Variants in PYGO1 observed in about 807,000 individuals in gnomAD.
PYGO1 encodes pygopus homolog 1.
PYGO1 carries 6 observed loss-of-function variants against 29.5 expected under a neutral mutation model. The ratio of observed to expected loss-of-function variants is 0.20; its 90% CI spans 0.11 to 0.40. The LOEUF (loss-of-function observed/expected upper bound fraction) is 0.40, where lower values mean the gene tolerates loss of function less well. PYGO1 is among the 10% of genes least tolerant of loss of function. PYGO1 has a pLI of 1.00. For synonymous variants in PYGO1, 186 were observed against 180.5 expected, an observed-to-expected ratio of 1.03 and a Z score of -0.24; for missense variants, 515 against 514.9, an observed-to-expected ratio of 1.00 and a Z score of 0.00.
Position 55,547,157 on chromosome 15 carries a change from G to A in PYGO1, c.136-10C>T. 4 of 1,568,974 alleles carry A rather than the reference G, an allele frequency of 2.5e-6. No individual in the cohort carries two copies. The highest frequency in any genetic ancestry group is 3.5e-6 in the Non-Finnish European group (4 of 1,159,294). On this transcript the variant is annotated splice_polypyrimidine_tract_variant and intron_variant, in intron 2 of 2. Coordinates refer to ENST00000563719, the MANE Select transcript of PYGO1 (RefSeq NM_001367806.1). Reference sequence around the variant, plus strand: ...GAGGGAAAGAAGGTCCCTGAAATGAGAATGTAAAGTAAAATACATGTTTTC... The same window carrying A: ...GAGGGAAAGAAGGTCCCTGAAATGAAAATGTAAAGTAAAATACATGTTTTC...
chr15:55,587,886 C>G lies in PYGO1; in HGVS notation c.-3G>C, dbSNP rs1278986150. The G allele has an allele frequency of 1.2e-5, 18 of 1,482,580 alleles. No homozygotes were observed. Among genetic ancestry groups the G allele is most frequent in the South Asian group, 2.5e-5 (2 of 79,456 alleles). The allele number at this position is 1,482,580 out of a possible 1,614,324, so 91.8% of individuals were successfully genotyped here. A position where few individuals can be genotyped will look rare whatever the true frequency, so the allele number is the denominator to read the frequency against. On this transcript the variant is annotated 5_prime_UTR_variant, in exon 1 of 3. Coordinates refer to ENST00000563719, the MANE Select transcript of PYGO1 (RefSeq NM_001367806.1). ...TCCTTCTCCTGTTCTGCTGACATTA[C>G]AGACCGCAAAGCATGACTCCCCCCC...
chr15:55,550,588 T>C (rs1304260999), intron 1 of PYGO1, among the ~76,000 whole-genome samples: 1 of 152,204 alleles, frequency 6.6e-6, no homozygotes, highest in Non-Finnish European at 1.5e-5. Flanking sequence ...TAGGTTCTCA[T>C]AACCCCAACT....
intron 1 of PYGO1, among the ~76,000 whole-genome samples, chr15:55,573,853 G>C (rs1398908277): frequency 6.6e-6 from 1 of 152,156 alleles, no homozygotes; most frequent in Non-Finnish European, 1.5e-5. Flanking sequence ...GTAGGCTAGA[G>C]AAAAGATATA....
Position 55,546,914 on chromosome 15 carries a change from T to C in PYGO1, c.369A>G (p.Ser123=). ...GAAATGGGTGTGGCTGGTTCCTGAG[T>C]GAGTAAGGACCACAGTATGGGGAAG... is the stretch of plus-strand genomic sequence containing the variant. ...RMSSPYCGPY[S]LRNQPHPFPQ... Residue 123 remains serine, a synonymous_variant, in exon 3 of 3, where the codon TCA becomes TCG. Coordinates refer to ENST00000563719, the MANE Select transcript of PYGO1 (RefSeq NM_001367806.1). The C allele has an allele frequency of 6.2e-7, 1 of 1,613,966 alleles. No individual in the cohort carries two copies. The highest frequency in any genetic ancestry group is 8.5e-7 in the Non-Finnish European group (1 of 1,179,998).
chr15:55,568,337 T>TGA lies in PYGO1; in HGVS notation c.50-19343_50-19342insTC, dbSNP rs1368704279. On this transcript the variant is annotated intron_variant, in intron 1 of 2. Transcript: ENST00000563719. ...CCTAGGTACTGTGTGTGTGTGTGTG[T>TGA]GTGTGTGTGTGTGTGTGTGTGTGTG... 5.5e-4 allele frequency among the ~76,000 whole-genome samples: 82 copies of TGA among 150,316 alleles called. 1 individual carries two copies. In the East Asian group the frequency reaches 0.016, roughly 29 times the overall value.
At chr15:55,565,414 T>C (rs1035507316) in intron 1 of PYGO1, among the ~76,000 whole-genome samples, 17 of 152,022 alleles carry the variant, frequency 1.1e-4, no homozygotes, top group African/African-American at 3.4e-4. Flanking sequence ...AAAAATCATA[T>C]GTATTTTGGC....
chr15:55,561,554 C>T (rs2058932899), intron 1 of PYGO1, among the ~76,000 whole-genome samples: 1 of 152,132 alleles, frequency 6.6e-6, no homozygotes, highest in African/African-American at 2.4e-5. Context: ...ACTCGTATCA[C>T]AAGAATAGCA....
At chr15:55,560,963 A>C (rs948974912) in intron 1 of PYGO1, among the ~76,000 whole-genome samples, 1 of 152,052 alleles carries the variant, frequency 6.6e-6, no homozygotes, top group Non-Finnish European at 1.5e-5. Context: ...AAAAACAAAC[A>C]AACAAACAAA....
Position 55,546,354 on chromosome 15 carries a change from G to C in PYGO1, c.929C>G (p.Pro310Arg), listed in dbSNP as rs1270364746. The C allele has an allele frequency of 2.5e-6, 4 of 1,614,068 alleles. No homozygotes were observed. The highest frequency in any genetic ancestry group is 1.1e-5 in the South Asian group (1 of 91,090). ...ANGTQNKPRQPRGAADACTTE... is the reference protein window; with the variant it reads ...ANGTQNKPRQRRGAADACTTE... ...GGTGCAGGCATCTGCTGCACCTCTT[G>C]GTTGTCGTGGCTTATTCTGCGTCCC... The change falls in exon 3 of 3, where the codon CCA becomes CGA. Residue 310 changes from proline (P) to arginine (R), a missense_variant. Coordinates refer to ENST00000563719, the MANE Select transcript of PYGO1 (RefSeq NM_001367806.1).
At chr15:55,576,564 A>C (rs1457238485) in intron 1 of PYGO1, among the ~76,000 whole-genome samples, 1 of 148,182 alleles carries the variant, frequency 6.7e-6, no homozygotes, top group African/African-American at 2.5e-5. Context: ...TGAGGTCAGG[A>C]GTTTCAGACC....
chr15:55,561,803 A>G (rs2141659633), intron 1 of PYGO1, among the ~76,000 whole-genome samples: 1 of 152,336 alleles, frequency 6.6e-6, no homozygotes. Flanking sequence ...ATGGGGAAAG[A>G]TTTCACGGTG....
rs758091875 is a variant in PYGO1, at chr15:55,570,585, T to C, written c.49+17250A>G. Among the ~76,000 whole-genome samples the C allele has an allele frequency of 6.9e-4, 105 of 151,988 alleles. 1 individual carries two copies. Among genetic ancestry groups the C allele is most frequent in the Non-Finnish European group, 1.3e-3 (90 of 67,984 alleles). On this transcript the variant is annotated intron_variant, in intron 1 of 2. Transcript: ENST00000563719. ...CTTTCATCAGGTTATTATGTTTTGA[T>C]TTCTTGTTATAAAATTTTAAATACA...
At chr15:55,565,474 C>T (rs755528502) in intron 1 of PYGO1, among the ~76,000 whole-genome samples, 6 of 151,940 alleles carry the variant, frequency 3.9e-5, no homozygotes, top group East Asian at 1.9e-4. Context: ...AAGGCAGAGG[C>T]GGGCAGACTA....
At chr15:55,559,427 C>T (rs1263667018) in intron 1 of PYGO1, among the ~76,000 whole-genome samples, 1 of 152,098 alleles carries the variant, frequency 6.6e-6, no homozygotes, top group Admixed American at 6.6e-5. Context: ...TGCGGCGATT[C>T]CTCAAGGATC....
At chr15:55,573,846 G>A (rs2058990095) in intron 1 of PYGO1, among the ~76,000 whole-genome samples, 1 of 152,100 alleles carries the variant, frequency 6.6e-6, no homozygotes, top group African/African-American at 2.4e-5. Flanking sequence ...CAATAAAGTA[G>A]GCTAGAGAAA....
chr15:55,562,098 A>G (rs986860424), intron 1 of PYGO1, among the ~76,000 whole-genome samples: 1 of 152,220 alleles, frequency 6.6e-6, no homozygotes, highest in Non-Finnish European at 1.5e-5. Flanking sequence ...AAAGCTCAAC[A>G]TCACTGATCA....
chr15:55,559,099 A>C (rs1216038974), intron 1 of PYGO1, among the ~76,000 whole-genome samples: 5 of 152,218 alleles, frequency 3.3e-5, no homozygotes, highest in African/African-American at 4.8e-5. Flanking sequence ...ACAAAGGGCT[A>C]ATATCCAGAA....
chr15:55,581,410 G>A (rs2059024441), intron 1 of PYGO1, among the ~76,000 whole-genome samples: 1 of 152,096 alleles, frequency 6.6e-6, no homozygotes, highest in Non-Finnish European at 1.5e-5. Flanking sequence ...TGGTAGACCT[G>A]GGCCAAATAA....
chr15:55,584,148 C>T (rs2059036985), intron 1 of PYGO1, among the ~76,000 whole-genome samples: 1 of 145,980 alleles, frequency 6.9e-6, no homozygotes, highest in Non-Finnish European at 1.5e-5. Flanking sequence ...TAGGGTCTCA[C>T]TCCAATTGCC....
Sources: gnomAD v4.1 joint callset for allele counts (sites outside exome capture counted in the v4.1 genomes callset) on GRCh38, gnomAD v4.1.1 for gene constraint, MANE v1.5 for transcripts, NCBI Gene and HGNC (gene_info 2026-07-23, HGNC 2026-07-21) for gene names.